The following NUP107 variants were observed in gnomAD, a reference collection of about 807,000 sequenced individuals.
The protein encoded by NUP107 is nucleoporin 107.
A neutral mutation model predicts 141.0 loss-of-function variants in NUP107; 101 were observed. The observed-to-expected ratio is 0.72, with a 90% CI of 0.61 to 0.84. The LOEUF (loss-of-function observed/expected upper bound fraction) is 0.84. Among genes scored for constraint, NUP107 ranks in the 40% least tolerant of loss-of-function variants. The pLI is 0.00. For synonymous variants in NUP107, 319 were observed against 363.9 expected, an observed-to-expected ratio of 0.88 and a Z score of 1.41; for missense variants, 941 against 1,102.7, an observed-to-expected ratio of 0.85 and a Z score of 2.08.
intron 22 of NUP107, among the ~76,000 whole-genome samples, chr12:68,732,356 G>A (rs765324580): frequency 1.1e-4 from 17 of 152,030 alleles, no homozygotes; most frequent in Non-Finnish European, 1.8e-4. Context: ...GGCTGGTCTC[G>A]AACTCATGAG....
intron 8 of NUP107, chr12:68,706,278 A>C: frequency 1.2e-6 from 1 of 821,966 alleles, no homozygotes; most frequent in Non-Finnish European, 2.1e-6. Flanking sequence ...TCTCACCTGG[A>C]AGGGCTTACT....
intron 17 of NUP107, among the ~76,000 whole-genome samples, chr12:68,723,556 G>A (rs1877438955): frequency 6.6e-6 from 1 of 151,916 alleles, no homozygotes; most frequent in Non-Finnish European, 1.5e-5. Context: ...AGATCGCAAC[G>A]TTGCACTCTA....
chr12:68,704,864 G>C (rs948003907), intron 8 of NUP107, among the ~76,000 whole-genome samples: 5 of 147,554 alleles, frequency 3.4e-5, no homozygotes, highest in African/African-American at 1.2e-4. Context: ...TTTTTCTTTT[G>C]TTTCTTTTTC....
At chr12:68,694,627 C>T (rs1160635641) in intron 5 of NUP107, among the ~76,000 whole-genome samples, 3 of 152,196 alleles carry the variant, frequency 2.0e-5, no homozygotes, top group African/African-American at 4.8e-5. Context: ...AGAGGCTGGA[C>T]GCAGTGGCTG....
At chr12:68,713,676 A>G in intron 10 of NUP107, 54 bp from the exon 11 acceptor site, 3 of 1,204,150 alleles carry the variant, frequency 2.5e-6, no homozygotes, top group Non-Finnish European at 3.6e-6. Flanking sequence ...TTTTTTAAAA[A>G]TAGACCTATT....
At chr12:68,731,986 C>G (rs2136045020) in intron 22 of NUP107, among the ~76,000 whole-genome samples, 1 of 152,182 alleles carries the variant, frequency 6.6e-6, no homozygotes, top group Non-Finnish European at 1.5e-5. Context: ...TAATCACTAA[C>G]TTATGTAGCT....
At chr12:68,741,674 C>T (rs1056273831) in intron 26 of NUP107, 139 bp from the exon 27 acceptor site, 3 of 638,110 alleles carry the variant, frequency 4.7e-6, no homozygotes, top group East Asian at 2.7e-5. Flanking sequence ...CTGTAGTCTA[C>T]GTTGTTCATC....
At position 68,742,735 on chromosome 12, in the gene NUP107, G is replaced by A. The variant is rs762811766; in HGVS notation, c.*273G>A. On this transcript the variant is annotated 3_prime_UTR_variant, in exon 28 of 28. Transcript: ENST00000229179. ...ATGTAATAAGAAAATTAAATTTTCT[G>A]TTCTAGTTTTTTCTGTAATCATAAG... 1 of 173,236 alleles carries A rather than the reference G, an allele frequency of 5.8e-6. No individual in the cohort carries two copies. Among genetic ancestry groups the A allele is most frequent in the African/African-American group, 2.4e-5 (1 of 42,244 alleles). 10.7% of individuals were successfully genotyped at this position (173,236 alleles called of 1,614,324 possible).
intron 3 of NUP107, chr12:68,689,957 G>A (rs1464393548): frequency 5.5e-6 from 1 of 182,856 alleles, no homozygotes; most frequent in Non-Finnish European, 1.1e-5. Flanking sequence ...AAGGTGGGTG[G>A]ATCACTTAAG....
intron 26 of NUP107, among the ~76,000 whole-genome samples, chr12:68,737,385 G>A (rs1325535552): frequency 6.6e-6 from 1 of 151,356 alleles, no homozygotes; most frequent in African/African-American, 2.4e-5. Flanking sequence ...GACAACATGG[G>A]GAAACCCCGT....
At position 68,702,795 on chromosome 12, in the gene NUP107, TATTA is replaced by T. The variant is rs557709168; in HGVS notation, c.729+15_729+18del. 6.9e-6 allele frequency: 10 copies of T among 1,453,470 alleles called. No homozygotes were observed. In the Admixed American group the frequency reaches 1.8e-4, roughly 27 times the overall value. The allele number at this position is 1,453,470 out of a possible 1,614,324, so 90.0% of individuals were successfully genotyped here. A position where few individuals can be genotyped will look rare whatever the true frequency, so the allele number is the denominator to read the frequency against. ...GTATTCGCAGTTACTGTAAGTTTTA[TATTA>T]ATTTTTTCTTTTATAAATACATACA... On this transcript the variant is annotated intron_variant, in intron 8 of 27. Transcript: ENST00000229179.
intron 17 of NUP107, among the ~76,000 whole-genome samples, chr12:68,723,767 T>C (rs1877447589): frequency 6.6e-6 from 1 of 152,234 alleles, no homozygotes; most frequent in African/African-American, 2.4e-5. Context: ...AACTTGCTGT[T>C]CTACTCACAT....
chr12:68,734,729 GA>G lies in NUP107; in HGVS notation c.2285del (p.Glu762GlyfsTer6). ...AYLEAHETFN[E>X]WFKHMNSVPQ... Reference sequence around the variant, plus strand: ...TTAGGAAGCCCATGAAACCTTTAATGAGTGGTTTAAGCATATGAATTCAGTT... The same window carrying G: ...TTAGGAAGCCCATGAAACCTTTAATGGTGGTTTAAGCATATGAATTCAGTT... On this transcript the variant is annotated frameshift_variant, in exon 25 of 28. Transcript: ENST00000229179. LOFTEE classifies it high-confidence loss of function. The G allele has an allele frequency of 6.2e-7, 1 of 1,601,048 alleles. No homozygotes were observed. Among genetic ancestry groups the G allele is most frequent in the Non-Finnish European group, 8.5e-7 (1 of 1,174,820 alleles).
intron 7 of NUP107, 127 bp downstream of exon 7, chr12:68,700,980 G>T: frequency 1.2e-6 from 1 of 852,186 alleles, no homozygotes; most frequent in East Asian, 2.8e-5. Context: ...TTATCATTTC[G>T]AATACCTTAG....
At chr12:68,724,799 A>G (rs1192726504) in intron 17 of NUP107, among the ~76,000 whole-genome samples, 6 of 151,848 alleles carry the variant, frequency 4.0e-5, no homozygotes. Flanking sequence ...ACAAACAAAC[A>G]AAAAAAACCA....
chr12:68,688,906 C>A, intron 1 of NUP107, 56 bp from the exon 2 acceptor site: 1 of 1,333,134 alleles, frequency 7.5e-7, no homozygotes, highest in Non-Finnish European at 1.1e-6. Context: ...TGATAAAATT[C>A]TTTATAAATG....
chr12:68,701,262 A>G (rs1201769493), intron 7 of NUP107, among the ~76,000 whole-genome samples: 1 of 152,224 alleles, frequency 6.6e-6, no homozygotes. Context: ...AAATAATGAG[A>G]AATATATACA....
intron 5 of NUP107, among the ~76,000 whole-genome samples, chr12:68,696,519 C>T (rs549695728): frequency 6.6e-6 from 1 of 152,132 alleles, no homozygotes; most frequent in South Asian, 2.1e-4. Flanking sequence ...TTGAGACCAG[C>T]CTGGCCAATA....
intron 20 of NUP107, among the ~76,000 whole-genome samples, chr12:68,729,794 CTT>C (rs1253432702): frequency 1.7e-4 from 22 of 128,188 alleles, no homozygotes; most frequent in Non-Finnish European, 2.0e-4. Context: ...GTTTGTGAGT[CTT>C]TTTTTTTTTT....
Sources: allele counts gnomAD v4.1 joint callset (sites outside exome capture counted in the v4.1 genomes callset), GRCh38; gene constraint gnomAD v4.1.1; transcripts MANE v1.5; gene names NCBI Gene and HGNC (gene_info 2026-07-23, HGNC 2026-07-21).